ASPH: variants seen among roughly 807,000 people sequenced by gnomAD.
The protein encoded by ASPH is aspartate beta-hydroxylase.
ASPH carries 100 observed loss-of-function variants against 118.4 expected under a neutral mutation model. The ratio of observed to expected loss-of-function variants is 0.84; its 90% CI spans 0.72 to 1.00. ASPH has a LOEUF of 1.00. ASPH is among the 50% of genes least tolerant of loss of function. The pLI is 0.00. For synonymous variants in ASPH, 315 were observed against 325.6 expected (o/e 0.97, Z 0.35); for missense variants, 920 against 919.5 (o/e 1.00, Z -0.01).
At chr8:61,670,061 G>A (rs774786737) in intron 3 of ASPH, among the ~76,000 whole-genome samples, 9 of 151,888 alleles carry the variant, frequency 5.9e-5, no homozygotes, top group Non-Finnish European at 1.3e-4. Flanking sequence ...TAAAAACATA[G>A]CCAATAATTT....
Position 61,675,310 on chromosome 8 carries a change from T to G in ASPH, c.322+5658A>C, listed in dbSNP as rs547611829. On this transcript the variant is annotated intron_variant, in intron 3 of 24. Coordinates refer to ENST00000379454, the MANE Select transcript of ASPH (RefSeq NM_004318.4). ...CAACATTAAGATACATATTCACATGTTCCCTCTTGTGTAATATGCCTACTT... is the reference window on the plus strand; with the variant it reads ...CAACATTAAGATACATATTCACATGGTCCCTCTTGTGTAATATGCCTACTT... 5.4e-5 allele frequency: 49 copies of G among 913,312 alleles called. No individual in the cohort carries two copies. In the African/African-American group the frequency reaches 8.4e-4, roughly 16 times the overall value. 56.6% of individuals were successfully genotyped at this position (913,312 alleles called of 1,614,324 possible). A position where few individuals can be genotyped will look rare whatever the true frequency, so the allele number is the denominator to read the frequency against.
chr8:61,612,705 C>T lies in ASPH; in HGVS notation c.976+6273G>A, dbSNP rs183413889. Among the ~76,000 whole-genome samples the T allele has an allele frequency of 3.9e-3, 587 of 152,216 alleles. 3 individuals carry two copies. Among genetic ancestry groups the T allele is most frequent in the Non-Finnish European group, 6.0e-3 (406 of 68,012 alleles). On this transcript the variant is annotated intron_variant, in intron 14 of 24. Transcript: ENST00000379454. ...AACAAAGTTTCATAGACCTGTGGGA[C>T]ATTTTCAAGCAATCCAATATACATT...
chr8:61,650,965 A>T, intron 5 of ASPH, 85 bp downstream of exon 5: 1 of 1,394,386 alleles, frequency 7.2e-7, no homozygotes, highest in Non-Finnish European at 9.8e-7. Flanking sequence ...TTAACCTTTA[A>T]ATTTTAAAAC....
intron 24 of ASPH, among the ~76,000 whole-genome samples, chr8:61,514,695 C>A (rs760649749): frequency 1.3e-5 from 2 of 151,858 alleles, no homozygotes; most frequent in African/African-American, 4.8e-5. Context: ...GGCGACAGAG[C>A]GAGACTCTGT....
At chr8:61,573,113 T>C (rs866011392) in intron 16 of ASPH, among the ~76,000 whole-genome samples, 34 of 152,152 alleles carry the variant, frequency 2.2e-4, no homozygotes, top group Non-Finnish European at 8.8e-5. Context: ...CCGTTCACGA[T>C]TGCTTCAAAG....
chr8:61,545,829 T>C (rs2130793659), intron 21 of ASPH, among the ~76,000 whole-genome samples: 1 of 152,274 alleles, frequency 6.6e-6, no homozygotes, highest in African/African-American at 2.4e-5. Flanking sequence ...GATCTGTTGG[T>C]TTAAGAATAA....
intron 14 of ASPH, among the ~76,000 whole-genome samples, chr8:61,599,478 CAAA>C (rs201476150): frequency 2.3e-4 from 22 of 96,928 alleles, no homozygotes; most frequent in African/African-American, 6.5e-4. Flanking sequence ...TTAAAAAAGT[CAAA>C]AAAAAAAAAA....
At chr8:61,628,971 C>T (rs1854302663) in intron 13 of ASPH, among the ~76,000 whole-genome samples, 2 of 152,086 alleles carry the variant, frequency 1.3e-5, no homozygotes, top group African/African-American at 4.8e-5. Flanking sequence ...CAATTTCCAC[C>T]CTTGCCCCCA....
chr8:61,510,086 G>C (rs1487344321), intron 24 of ASPH, among the ~76,000 whole-genome samples: 1 of 152,174 alleles, frequency 6.6e-6, no homozygotes, highest in Non-Finnish European at 1.5e-5. Context: ...GCAGCAATCA[G>C]ACAGGAGGAT....
chr8:61,605,354 TC>T (rs1333583815), intron 14 of ASPH, among the ~76,000 whole-genome samples: 1 of 152,164 alleles, frequency 6.6e-6, no homozygotes, highest in African/African-American at 2.4e-5. Context: ...GTTGCTCATA[TC>T]TGTATAGCAT....
At chr8:61,549,840 G>T (rs766581590) in intron 20 of ASPH, among the ~76,000 whole-genome samples, 8 of 152,218 alleles carry the variant, frequency 5.3e-5, no homozygotes, top group African/African-American at 1.7e-4. Flanking sequence ...AGTGAGAAAA[G>T]AAGTTATTGT....
chr8:61,635,771 T>C (rs916993205), intron 12 of ASPH, among the ~76,000 whole-genome samples: 2 of 152,100 alleles, frequency 1.3e-5, no homozygotes, highest in South Asian at 2.1e-4. Flanking sequence ...AGTTCAACAC[T>C]TTCCCCTCCA....
At chr8:61,593,405 G>C (rs749598013) in intron 14 of ASPH, among the ~76,000 whole-genome samples, 1 of 152,148 alleles carries the variant, frequency 6.6e-6, no homozygotes, top group Non-Finnish European at 1.5e-5. Context: ...AAGAATAATG[G>C]ACTTCTGTTT....
At chr8:61,663,441 G>A in intron 3 of ASPH, 2 of 985,392 alleles carry the variant, frequency 2.0e-6, no homozygotes, top group South Asian at 9.4e-5. Flanking sequence ...GGCCATCTTG[G>A]TTATCAAGTG....
At chr8:61,686,316 CAGG>C (rs976225175) in intron 1 of ASPH, among the ~76,000 whole-genome samples, 137 of 152,156 alleles carry the variant, frequency 9.0e-4, no homozygotes, top group African/African-American at 2.9e-3. Context: ...ACAGCCATAG[CAGG>C]AGAAGATTGG....
chr8:61,540,656 C>A (rs61052776), intron 21 of ASPH, among the ~76,000 whole-genome samples: 17,134 of 152,148 alleles, frequency 0.11, 2,854 homozygotes, highest in African/African-American at 0.36. Flanking sequence ...CAGTTTAATG[C>A]TAACATAATT....
chr8:61,564,602 A>G (rs1831033129), intron 17 of ASPH, among the ~76,000 whole-genome samples: 2 of 152,144 alleles, frequency 1.3e-5, no homozygotes, highest in Non-Finnish European at 2.9e-5. Flanking sequence ...TCCGGGCAGT[A>G]ATGCTGATTC....
chr8:61,684,211 TATC>T (rs758008051), intron 1 of ASPH, 23 bp from the exon 2 acceptor site: 11 of 1,591,938 alleles, frequency 6.9e-6, no homozygotes, highest in Non-Finnish European at 9.4e-6. Context: ...AAATGTAAGA[TATC>T]ATAAGAAGAA....
chr8:61,617,328 G>A (rs1434472727), intron 14 of ASPH, among the ~76,000 whole-genome samples: 1 of 152,178 alleles, frequency 6.6e-6, no homozygotes, highest in Non-Finnish European at 1.5e-5. Flanking sequence ...AAGACCAAGA[G>A]AATGTATCCA....
Sources: allele counts gnomAD v4.1 joint callset (sites outside exome capture counted in the v4.1 genomes callset), GRCh38; gene constraint gnomAD v4.1.1; transcripts MANE v1.5; gene names NCBI Gene and HGNC (gene_info 2026-07-23, HGNC 2026-07-21).